HSD17B12: variants seen among roughly 807,000 people sequenced by gnomAD.
The protein encoded by HSD17B12 is very-long-chain 3-oxoacyl-CoA reductase.
In HSD17B12, 32 loss-of-function variants were observed where a neutral mutation model predicts 39.3. The ratio of observed to expected loss-of-function variants is 0.81; its 90% confidence interval spans 0.61 to 1.09. The LOEUF is 1.09. Ranked by LOEUF, HSD17B12 falls within the 50% of genes least tolerant of loss-of-function variation. The pLI, the probability that HSD17B12 is intolerant of heterozygous loss-of-function variation, is 0.00. For missense variants in HSD17B12, 342 were observed against 382.9 expected, an observed-to-expected ratio of 0.89 and a Z score of 0.89; for synonymous variants, 150 against 146.7, an observed-to-expected ratio of 1.02 and a Z score of -0.16.
At chr11:43,749,847 G>A (rs1029797144) in intron 1 of HSD17B12, among the ~76,000 whole-genome samples, 1 of 151,968 alleles carries the variant, frequency 6.6e-6, no homozygotes, top group Non-Finnish European at 1.5e-5. Flanking sequence ...GTCTGTAAAT[G>A]TTTTGGAAAA....
chr11:43,634,949 T>C, the HSD17B12 span, among the ~76,000 whole-genome samples: 1 of 152,194 alleles, frequency 6.6e-6, no homozygotes, highest in East Asian at 1.9e-4. Context: ...AGAGAATAAC[T>C]GTTAGCTTTG....
intron 1 of HSD17B12, among the ~76,000 whole-genome samples, chr11:43,688,575 T>C (rs770378707): frequency 1.3e-5 from 2 of 152,240 alleles, no homozygotes; most frequent in Non-Finnish European, 2.9e-5. Flanking sequence ...ATCCAGTTTC[T>C]GGAAAGTTAT....
At chr11:43,758,188 A>G (rs948551075) in intron 3 of HSD17B12, among the ~76,000 whole-genome samples, 3 of 152,222 alleles carry the variant, frequency 2.0e-5, no homozygotes, top group East Asian at 1.9e-4. Flanking sequence ...CCAATCTGGT[A>G]TTATATTGTT....
At chr11:43,706,721 T>TGTGTGTGTGTGTGTGG (rs368772116) in intron 1 of HSD17B12, among the ~76,000 whole-genome samples, 1 of 139,116 alleles carries the variant, frequency 7.2e-6, no homozygotes. Flanking sequence ...TGTGTGTGTG[T>TGTGTGTGTGTGTGTGG]TGTGGGGGGT....
chr11:43,768,638 G>A (rs1950619633), intron 3 of HSD17B12, among the ~76,000 whole-genome samples: 1 of 152,216 alleles, frequency 6.6e-6, no homozygotes, highest in African/African-American at 2.4e-5. Flanking sequence ...CAAGATTGAA[G>A]CCACAGACCT....
intron 8 of HSD17B12, 129 bp downstream of exon 8, chr11:43,838,527 G>A (rs1951393131): frequency 1.5e-6 from 1 of 676,396 alleles, no homozygotes; most frequent in Non-Finnish European, 2.6e-6. Context: ...GAGAAGAAAA[G>A]GAAAATACCC....
chr11:43,701,552 A>G (rs994788555), intron 1 of HSD17B12, among the ~76,000 whole-genome samples: 2 of 152,162 alleles, frequency 1.3e-5, no homozygotes, highest in South Asian at 4.1e-4. Flanking sequence ...TTTTCTACAT[A>G]TAACTATCCA....
chr11:43,606,293 C>T, the HSD17B12 span, among the ~76,000 whole-genome samples: 1 of 152,226 alleles, frequency 6.6e-6, no homozygotes, highest in African/African-American at 2.4e-5. Flanking sequence ...TTCACCTGCA[C>T]CCTAGTGGAA....
intron 1 of HSD17B12, among the ~76,000 whole-genome samples, chr11:43,710,090 G>A (rs1950050860): frequency 6.6e-6 from 1 of 152,176 alleles, no homozygotes; most frequent in African/African-American, 2.4e-5. Flanking sequence ...GAAATTGGGA[G>A]ATACGTTTCC....
At chr11:43,844,216 T>C (rs1216447667) in intron 9 of HSD17B12, among the ~76,000 whole-genome samples, 2 of 152,222 alleles carry the variant, frequency 1.3e-5, no homozygotes, top group Non-Finnish European at 2.9e-5. Flanking sequence ...AGAGGGTATA[T>C]TGTTCAAATT....
At chr11:43,584,360 T>G in the HSD17B12 span, among the ~76,000 whole-genome samples, 1 of 152,212 alleles carries the variant, frequency 6.6e-6, no homozygotes, top group East Asian at 1.9e-4. Flanking sequence ...CTAGAAGGCT[T>G]TGTGGGCATC....
chr11:43,604,763 C>T, the HSD17B12 span, among the ~76,000 whole-genome samples: 2 of 152,118 alleles, frequency 1.3e-5, no homozygotes, highest in Non-Finnish European at 2.9e-5. Flanking sequence ...ATGTGACCTT[C>T]CTTCTACCTC....
rs183989961 is a variant in HSD17B12 at position 43,808,944 on chromosome 11, A to G, written c.392-6493A>G. On this transcript the variant is annotated intron_variant, in intron 4 of 10. Transcript: ENST00000278353. ...GGAATTTACTTTGCATCACTTTCCA[A>G]ACTCTCTCTATAGGCTGTAAGAGTG... is the stretch of plus-strand genomic sequence containing the variant. Among the ~76,000 whole-genome samples the G allele has an allele frequency of 3.9e-5, 6 of 152,348 alleles. No individual in the cohort carries two copies. In the East Asian group the frequency reaches 9.6e-4, roughly 24 times the overall value.
chr11:43,707,239 G>T (rs1950024813), intron 1 of HSD17B12, among the ~76,000 whole-genome samples: 1 of 152,206 alleles, frequency 6.6e-6, no homozygotes, highest in South Asian at 2.1e-4. Context: ...TTTTAATGAG[G>T]AAAGATGGAC....
the HSD17B12 span, among the ~76,000 whole-genome samples, chr11:43,567,684 G>T: frequency 6.6e-6 from 1 of 152,186 alleles, no homozygotes; most frequent in Non-Finnish European, 1.5e-5. Context: ...AAGGAGAAAA[G>T]GTGTCCTGAG....
At chr11:43,769,273 C>T (rs1255728661) in intron 3 of HSD17B12, among the ~76,000 whole-genome samples, 2 of 152,128 alleles carry the variant, frequency 1.3e-5, no homozygotes, top group Non-Finnish European at 2.9e-5. Context: ...TGTATTTAAG[C>T]GTGGCTTTAA....
the HSD17B12 span, among the ~76,000 whole-genome samples, chr11:43,635,512 T>C: frequency 2.0e-5 from 3 of 152,362 alleles, no homozygotes; most frequent in African/African-American, 7.2e-5. Context: ...ATTTACATAT[T>C]ACATCTTATT....
At chr11:43,720,170 G>C (rs188270068) in intron 1 of HSD17B12, among the ~76,000 whole-genome samples, 2 of 152,056 alleles carry the variant, frequency 1.3e-5, no homozygotes, top group African/African-American at 4.8e-5. Flanking sequence ...CAGATCTTTC[G>C]CCAGTTGTAG....
chr11:43,824,541 C>T (rs1004327240), intron 6 of HSD17B12, among the ~76,000 whole-genome samples: 7 of 152,164 alleles, frequency 4.6e-5, no homozygotes, highest in Admixed American at 2.0e-4. Flanking sequence ...TTGCCATGTC[C>T]TCATGTGGCA....
Sources: allele counts gnomAD v4.1 joint callset (sites outside exome capture counted in the v4.1 genomes callset), GRCh38; gene constraint gnomAD v4.1.1; transcripts MANE v1.5; gene names NCBI Gene and HGNC (gene_info 2026-07-23, HGNC 2026-07-21).